Variants in MEP1B observed in about 807,000 individuals in gnomAD.
The protein encoded by MEP1B is N-benzoyl-L-tyrosyl-P-amino-benzoic acid hydrolase subunit beta.
Under a neutral mutation model 84.6 loss-of-function variants are expected in MEP1B, and 80 were observed. The observed-to-expected ratio is 0.95, with a 90% CI of 0.79 to 1.14. MEP1B has a LOEUF of 1.14. Among genes scored for constraint, MEP1B ranks in the 50% most tolerant of loss-of-function variants. MEP1B has a pLI of 0.00. For synonymous variants in MEP1B, 273 were observed against 288.1 expected (o/e 0.95, Z 0.53); for missense variants, 766 against 855.1 (o/e 0.90, Z 1.30).
chr18:32,192,330 T>C (rs1320890995), intron 2 of MEP1B, among the ~76,000 whole-genome samples: 20 of 152,150 alleles, frequency 1.3e-4, no homozygotes. Context: ...ATTTGTTTGC[T>C]ATTTAATCTA....
At chr18:32,213,036 TA>T in intron 10 of MEP1B, 79 bp from the exon 11 acceptor site, 1 of 1,361,932 alleles carries the variant, frequency 7.3e-7, no homozygotes, top group Non-Finnish European at 1.0e-6. Context: ...ACCCTTTGTC[TA>T]AGAAGGCTAG....
In MEP1B at chr18:32,196,540, C is replaced by A. The variant is rs933010009; in HGVS notation, c.250+1055C>A. 14 of 700,042 alleles carry A rather than the reference C, an allele frequency of 2.0e-5. No individual in the cohort carries two copies. The South Asian group carries it at 2.1e-4, about 10-fold the overall frequency. The allele number at this position is 700,042 out of a possible 1,614,324, so 43.4% of individuals were successfully genotyped here. ...TGGTGGCCAAGGGCCACCTTGAGAG[C>A]TTTGGGCCCTTGGTACTTGGTGCTG... On this transcript the variant is annotated intron_variant, in intron 5 of 14. Transcript: ENST00000269202. This position sits in a 1 kb window ranked among gnomAD's most constrained non-coding sequence, Gnocchi z 4.4.
At chr18:32,217,256 T>TA (rs1488008688) in intron 13 of MEP1B, 139 bp downstream of exon 13, 1 of 971,178 alleles carries the variant, frequency 1.0e-6, no homozygotes, top group Non-Finnish European at 1.5e-6. Flanking sequence ...ATTTTTTTTT[T>TA]ATTCTCCTTT....
At chr18:32,208,517 C>A (rs78412229) in intron 9 of MEP1B, among the ~76,000 whole-genome samples, 1 of 152,178 alleles carries the variant, frequency 6.6e-6, no homozygotes. Flanking sequence ...CCAGTGCGTT[C>A]CCATAGGAGA....
chr18:32,216,345 C>T (rs1002011590), intron 12 of MEP1B, among the ~76,000 whole-genome samples: 4 of 152,122 alleles, frequency 2.6e-5, no homozygotes, highest in African/African-American at 9.7e-5. Flanking sequence ...AATCAGTATG[C>T]ATCAGTTCTC....
intron 1 of MEP1B, among the ~76,000 whole-genome samples, chr18:32,190,746 T>C (rs982216731): frequency 1.3e-5 from 2 of 152,108 alleles, no homozygotes; most frequent in African/African-American, 4.8e-5. Flanking sequence ...GATGAATACA[T>C]GTTAAAGTGT....
intron 4 of MEP1B, among the ~76,000 whole-genome samples, chr18:32,193,286 A>G (rs2040820818): frequency 6.6e-6 from 1 of 152,210 alleles, no homozygotes; most frequent in Non-Finnish European, 1.5e-5. Context: ...CTATTCATAA[A>G]GAGTGCTGAT....
intron 11 of MEP1B, 71 bp downstream of exon 11, chr18:32,213,630 G>A (rs997263261): frequency 2.5e-6 from 3 of 1,197,570 alleles, no homozygotes; most frequent in Non-Finnish European, 3.6e-6. Flanking sequence ...TTTTGGGAAT[G>A]AGGGATTGCA....
At chr18:32,206,876 C>T (rs563447876) in intron 7 of MEP1B, among the ~76,000 whole-genome samples, 1 of 152,302 alleles carries the variant, frequency 6.6e-6, no homozygotes, top group South Asian at 2.1e-4. Context: ...TCCCAAAGTG[C>T]TGGGATTACA....
intron 11 of MEP1B, among the ~76,000 whole-genome samples, chr18:32,213,852 TG>T (rs2041056325): frequency 6.6e-6 from 1 of 152,216 alleles, no homozygotes; most frequent in Admixed American, 6.5e-5. Flanking sequence ...GAGTCTGACA[TG>T]CCTGAGTTCA....
intron 5 of MEP1B, among the ~76,000 whole-genome samples, chr18:32,199,184 G>T (rs910207277): frequency 6.6e-6 from 1 of 152,208 alleles, no homozygotes; most frequent in Non-Finnish European, 1.5e-5. Flanking sequence ...ATATGACCTG[G>T]TCATTCAAGG....
chr18:32,200,026 A>AT (rs58977435), intron 5 of MEP1B, among the ~76,000 whole-genome samples: 1,571 of 148,408 alleles, frequency 0.011, 11 homozygotes, highest in South Asian at 0.013. Context: ...ATCTTAGGCT[A>AT]TTTTTTTTTT....
At chr18:32,192,516 G>A (rs2040811811) in intron 2 of MEP1B, 130 bp from the exon 3 acceptor site, 1 of 783,950 alleles carries the variant, frequency 1.3e-6, no homozygotes, top group African/African-American at 1.7e-5. Context: ...ATCAATGTAT[G>A]TTGAGTCTGA....
At chr18:32,220,125 G>T in intron 14 of MEP1B, 106 bp from the exon 15 acceptor site, 2 of 1,073,128 alleles carry the variant, frequency 1.9e-6, no homozygotes, top group East Asian at 2.6e-5. Flanking sequence ...CCAGGAGACT[G>T]CTGATGGGGA....
At position 32,213,270 on chromosome 18, in the gene MEP1B, T is replaced by C. The variant is rs755223682; in HGVS notation, c.1290T>C (p.His430=). 3 of 1,614,034 alleles carry C rather than the reference T, an allele frequency of 1.9e-6. No homozygotes were observed. The highest frequency in any genetic ancestry group is 3.3e-4 in the Middle Eastern group (2 of 6,062). The change falls in exon 11 of 15, where the codon CAT becomes CAC. Residue 430 remains histidine, a synonymous_variant. Transcript: ENST00000269202. ...INLSETRCPH[H]IWHIRNFTQF... is the part of the protein sequence containing the mutation. ...TTTCGGAAACACGGTGCCCTCATCATATCTGGCATATAAGGAATTTCACAC... is the reference window on the plus strand; with the variant it reads ...TTTCGGAAACACGGTGCCCTCATCACATCTGGCATATAAGGAATTTCACAC...
rs61743976 is a variant in MEP1B, at chr18:32,196,174, G to A, written c.250+689G>A. ...GGCCTTCTGGAGCTGGTGTCACTGC[G>A]CCACCTCGGCTTTCAGACTCTCCAA... On this transcript the variant is annotated intron_variant, in intron 5 of 14. Coordinates refer to ENST00000269202, the MANE Select transcript of MEP1B (RefSeq NM_005925.3). The surrounding 1 kb of genome is among the most constrained non-coding windows in gnomAD (Gnocchi z 4.4). 7.1e-4 allele frequency: 443 copies of A among 626,304 alleles called. 2 individuals carry two copies. The highest frequency in any genetic ancestry group is 6.3e-3 in the African/African-American group (351 of 55,352). The allele number at this position is 626,304 out of a possible 1,614,324, so 38.8% of individuals were successfully genotyped here. A position where few individuals can be genotyped will look rare whatever the true frequency, so the allele number is the denominator to read the frequency against.
chr18:32,192,784 G>A lies in MEP1B; in HGVS notation c.138G>A (p.Leu46=), dbSNP rs755110179. 2.5e-6 allele frequency: 4 copies of A among 1,612,910 alleles called. No individual in the cohort carries two copies. The highest frequency in any genetic ancestry group is 3.4e-6 in the Non-Finnish European group (4 of 1,179,288). ...TATCTTTACTCTTAGGTTTGGGACTGGATCTTTTTGAGGGTGACATCAGAC... is the reference window on the plus strand; with the variant it reads ...TATCTTTACTCTTAGGTTTGGGACTAGATCTTTTTGAGGGTGACATCAGAC... ...DIFDINEGLG[L]DLFEGDIRLD... The change falls in exon 4 of 15, where the codon CTG becomes CTA. Residue 46 remains leucine, a synonymous_variant. Coordinates refer to ENST00000269202, the MANE Select transcript of MEP1B (RefSeq NM_005925.3).
Position 32,210,641 on chromosome 18 carries a change from C to T in MEP1B, c.1060C>T (p.Gln354Ter). 1 of 1,613,926 alleles carries T rather than the reference C, an allele frequency of 6.2e-7. No individual in the cohort carries two copies. The highest frequency in any genetic ancestry group is 1.1e-5 in the South Asian group (1 of 91,060). Residue 354 changes from glutamine (Q) to a stop codon, truncating the protein, a stop_gained, in exon 10 of 15, where the codon CAA (glutamine) becomes TAA (stop). Coordinates refer to ENST00000269202, the MANE Select transcript of MEP1B (RefSeq NM_005925.3). LOFTEE classifies it high-confidence loss of function. ...ATATAACAGTGGCAGTGAAAGTGAT[C>T]AACTGAACATCTATATCAGGGAGTA... ...YLYNSGSESD[Q>*]LNIYIREYSA...
In MEP1B at chr18:32,217,936, T is replaced by G; in HGVS notation, c.2062T>G (p.Ser688Ala). The G allele has an allele frequency of 6.2e-7, 1 of 1,613,950 alleles. No homozygotes were observed. The highest frequency in any genetic ancestry group is 8.5e-7 in the Non-Finnish European group (1 of 1,179,868). ...TRKKYRERMSSNRPNLTPQNQ... is the reference protein window; with the variant it reads ...TRKKYRERMSANRPNLTPQNQ... ...GAAGAAATATCGTGAAAGGATGAGC[T>G]CAAATCGACCAAATTTGACTCCGCA... Residue 688 changes from serine to alanine, a missense_variant, in exon 14 of 15, where the codon TCA becomes GCA. Coordinates refer to ENST00000269202, the MANE Select transcript of MEP1B (RefSeq NM_005925.3).
Sources: allele counts gnomAD v4.1 joint callset (sites outside exome capture counted in the v4.1 genomes callset), GRCh38; gene constraint gnomAD v4.1.1; non-coding constraint Gnocchi (gnomAD v3.1); transcripts MANE v1.5; gene names NCBI Gene and HGNC (gene_info 2026-07-23, HGNC 2026-07-21).